Variants in MDH1B observed in about 807,000 individuals in gnomAD.
The protein encoded by MDH1B is putative malate dehydrogenase 1B.
Under a neutral mutation model 61.4 loss-of-function variants are expected in MDH1B, and 60 were observed. The observed-to-expected ratio is 0.98, with a 90% CI of 0.79 to 1.21. The LOEUF (loss-of-function observed/expected upper bound fraction) is 1.21. Among genes scored for constraint, MDH1B ranks in the 50% most tolerant of loss-of-function variants. MDH1B has a pLI of 0.00. For missense variants in MDH1B, 587 were observed against 632.1 expected (o/e 0.93, Z 0.76); for synonymous variants, 236 against 218.7 (o/e 1.08, Z -0.70).
At position 206,756,951 on chromosome 2, in the gene MDH1B, C is replaced by T. The variant is rs138212602; in HGVS notation, c.360G>A (p.Gln120=). Residue 120 remains glutamine, a synonymous_variant, in exon 4 of 12, where the codon CAG becomes CAA. Coordinates refer to ENST00000374412, the MANE Select transcript of MDH1B (RefSeq NM_001039845.3). ...TGCAAGTTTTCAGGGCTTCTTCCTC[C>T]TGCTCTTTTTCTATATGTGCCCCCA... ...ENLGAHIEKE[Q]EEEALKTCIN... The T allele has an allele frequency of 1.8e-4, 294 of 1,614,016 alleles. 1 individual carries two copies. The highest frequency in any genetic ancestry group is 3.0e-4 in the Admixed American group (18 of 59,996).
chr2:206,747,535 T>C (rs757740590), intron 7 of MDH1B, among the ~76,000 whole-genome samples: 1 of 148,340 alleles, frequency 6.7e-6, no homozygotes, highest in Non-Finnish European at 1.5e-5. Flanking sequence ...TTAACTTCAA[T>C]TGAACAAGAT....
rs1354195760 is a variant in MDH1B at position 206,755,154 on chromosome 2, C to G, written c.765G>C (p.Val255=). ...TCAGGTTTACAAAGGTTCTCCCTCC[C>G]ACGATGACTCTGACAGACTCATGAG... The part of the protein sequence containing the change: ...KNAHESVRVI[V]GGRTFVNLKT... Residue 255 remains valine (V), a synonymous_variant, in exon 5 of 12, where the codon GTG becomes GTC. Coordinates refer to ENST00000374412, the MANE Select transcript of MDH1B (RefSeq NM_001039845.3). 6.2e-7 allele frequency: 1 copy of G among 1,614,060 alleles called. No individual in the cohort carries two copies. The highest frequency in any genetic ancestry group is 1.3e-5 in the African/African-American group (1 of 74,928).
chr2:206,746,164 C>A (rs1288895989), intron 8 of MDH1B, 123 bp downstream of exon 8: 2 of 742,122 alleles, frequency 2.7e-6, no homozygotes, highest in Non-Finnish European at 4.0e-6. Flanking sequence ...TTTATTATCT[C>A]ATTATTTTTA....
intron 2 of MDH1B, among the ~76,000 whole-genome samples, chr2:206,758,162 T>C (rs114858080): frequency 1.2e-3 from 189 of 152,194 alleles, no homozygotes; most frequent in African/African-American, 4.4e-3. Context: ...ACTGGGCCCA[T>C]GAAGGAAAGA....
chr2:206,739,770 T>A, intron 10 of MDH1B, 109 bp from the exon 11 acceptor site: 1 of 908,788 alleles, frequency 1.1e-6, no homozygotes, highest in South Asian at 1.5e-5. Context: ...TTTCTCTGAA[T>A]GCATTGCTCT....
chr2:206,757,116 G>C (rs576505939), intron 3 of MDH1B, 76 bp from the exon 4 acceptor site: 1 of 1,545,366 alleles, frequency 6.5e-7, no homozygotes, highest in South Asian at 1.2e-5. Context: ...GAAAGTTTTT[G>C]TTTAAAGTCA....
rs577607897 is a variant in MDH1B at position 206,760,333 on chromosome 2, C to T, written c.135+568G>A. Among the ~76,000 whole-genome samples, 11 of 152,292 alleles carry T rather than the reference C, an allele frequency of 7.2e-5. No individual in the cohort carries two copies. In the South Asian group the frequency reaches 2.3e-3, roughly 32 times the overall value. On this transcript the variant is annotated intron_variant, in intron 2 of 11. Transcript: ENST00000374412. ...ATCCGATGGCTGGTTGAGGAGGGAG[C>T]ACAAAAGCTCAGCTACCTTGCCTCA...
intron 7 of MDH1B, 100 bp downstream of exon 7, chr2:206,748,920 G>T: frequency 2.1e-6 from 2 of 953,520 alleles, no homozygotes; most frequent in South Asian, 1.8e-5. Context: ...GCAGCTAATG[G>T]ACCATGTTAA....
At chr2:206,746,520 TAGG>T in intron 7 of MDH1B, 94 bp from the exon 8 acceptor site, 1 of 1,297,320 alleles carries the variant, frequency 7.7e-7, no homozygotes, top group Non-Finnish European at 1.0e-6. Context: ...AGACATAGTA[TAGG>T]ATTTTTAATG....
In MDH1B at chr2:206,749,998, A is replaced by G. The variant is rs186065550; in HGVS notation, c.1053-815T>C. Among the ~76,000 whole-genome samples, 12 of 152,296 alleles carry G rather than the reference A, an allele frequency of 7.9e-5. No homozygotes were observed. The East Asian group carries it at 2.1e-3, about 27-fold the overall frequency. ...GGTTAGCTTCTGCTAACCCTGCACG[A>G]CACAGCTCTATGCAACACTGGTCCT... On this transcript the variant is annotated intron_variant, in intron 6 of 11. Coordinates refer to ENST00000374412, the MANE Select transcript of MDH1B (RefSeq NM_001039845.3).
At chr2:206,740,198 C>A (rs1687731628) in intron 10 of MDH1B, among the ~76,000 whole-genome samples, 1 of 152,158 alleles carries the variant, frequency 6.6e-6, no homozygotes, top group Admixed American at 6.5e-5. Context: ...CTACACGTAA[C>A]TTTTGACTCC....
intron 9 of MDH1B, among the ~76,000 whole-genome samples, chr2:206,744,950 A>AAAATAT (rs1553584057): frequency 2.7e-5 from 4 of 147,612 alleles, no homozygotes; most frequent in African/African-American, 1.0e-4. Context: ...AAATAAATAA[A>AAAATAT]ATATATATAT....
chr2:206,755,157 G>A lies in MDH1B; in HGVS notation c.762C>T (p.Ile254=), dbSNP rs1050357714. ...GGTTTACAAAGGTTCTCCCTCCCACGATGACTCTGACAGACTCATGAGCAT... is the reference window on the plus strand; with the variant it reads ...GGTTTACAAAGGTTCTCCCTCCCACAATGACTCTGACAGACTCATGAGCAT... ...EKNAHESVRV[I]VGGRTFVNLK... Residue 254 remains isoleucine, a synonymous_variant, in exon 5 of 12, where the codon ATC becomes ATT. Transcript: ENST00000374412. The A allele has an allele frequency of 2.5e-6, 4 of 1,614,036 alleles. No individual in the cohort carries two copies. The highest frequency in any genetic ancestry group is 2.7e-5 in the African/African-American group (2 of 74,902).
chr2:206,757,656 A>T (rs548609727), intron 2 of MDH1B, among the ~76,000 whole-genome samples: 1 of 152,338 alleles, frequency 6.6e-6, no homozygotes, highest in South Asian at 2.1e-4. Context: ...TGTTTAGCTT[A>T]AAGAGAGGTC....
intron 1 of MDH1B, among the ~76,000 whole-genome samples, chr2:206,763,044 TCTC>T (rs143501377): frequency 0.016 from 2,432 of 152,142 alleles, 69 homozygotes; most frequent in African/African-American, 0.054. Flanking sequence ...CCAGCTCAGA[TCTC>T]CTTATCTAGA....
Position 206,755,396 on chromosome 2 carries a change from C to T in MDH1B, c.523G>A (p.Glu175Lys). The T allele has an allele frequency of 6.2e-7, 1 of 1,614,232 alleles. No homozygotes were observed. Among genetic ancestry groups the T allele is most frequent in the African/African-American group, 1.3e-5 (1 of 75,058 alleles). Reference sequence around the variant, plus strand: ...TCCACCACAAGGCTTTTGAGATGTTCTTCCGCCTGCTTGTTGTCAAATAGA... The same window carrying T: ...TCCACCACAAGGCTTTTGAGATGTTTTTCCGCCTGCTTGTTGTCAAATAGA... ...ITLFDNKQAE[E>K]HLKSLVVETQ... is the part of the protein sequence containing the mutation. Residue 175 changes from glutamate (E) to lysine (K), a missense_variant, in exon 5 of 12, where the codon GAA becomes AAA. Transcript: ENST00000374412.
chr2:206,749,146 T>A lies in MDH1B; in HGVS notation c.1090A>T (p.Asn364Tyr). The A allele has an allele frequency of 6.2e-7, 1 of 1,614,084 alleles. No individual in the cohort carries two copies. The highest frequency in any genetic ancestry group is 8.5e-7 in the Non-Finnish European group (1 of 1,179,980). ...AATTGTCTTCCTGTGGTGGTCAAGT[T>A]TTTAAGAATTGCCACAAATTCTCTT... Reference protein sequence around the residue: ...VKREFVAILKNLTTTGRQFGG... With the variant: ...VKREFVAILKYLTTTGRQFGG... The change falls in exon 7 of 12, where the codon AAC becomes TAC. Residue 364 changes from asparagine (N) to tyrosine (Y), a missense_variant. Asn to Tyr is a moderately radical substitution (Grantham distance 143). Transcript: ENST00000374412.
In MDH1B at chr2:206,755,489, A is replaced by G; in HGVS notation, c.430T>C (p.Cys144Arg). 6.2e-7 allele frequency: 1 copy of G among 1,612,576 alleles called. No individual in the cohort carries two copies. Among genetic ancestry groups the G allele is most frequent in the Non-Finnish European group, 8.5e-7 (1 of 1,179,094 alleles). The change falls in exon 5 of 12, where the codon TGC (cysteine) becomes CGC (arginine). Residue 144 changes from cysteine to arginine, a missense_variant. Cys to Arg is a radical substitution (Grantham distance 180, BLOSUM62 -3). Coordinates refer to ENST00000374412, the MANE Select transcript of MDH1B (RefSeq NM_001039845.3). Reference protein sequence around the residue: ...VWITSASAPACYNLIPILTSG... With the variant: ...VWITSASAPARYNLIPILTSG... ...GTCAATATGGGAATTAGGTTGTAGCAGGCAGGAGCAGAGGCACTGATAAAA... is the reference window on the plus strand; with the variant it reads ...GTCAATATGGGAATTAGGTTGTAGCGGGCAGGAGCAGAGGCACTGATAAAA...
chr2:206,743,948 T>C (rs1190646851), intron 9 of MDH1B, among the ~76,000 whole-genome samples: 3 of 152,144 alleles, frequency 2.0e-5, no homozygotes, highest in South Asian at 2.1e-4. Flanking sequence ...TCCCCCTCAA[T>C]ACCAGTCTTT....
Sources: gnomAD v4.1 joint callset for allele counts (sites outside exome capture counted in the v4.1 genomes callset) on GRCh38, gnomAD v4.1.1 for gene constraint, MANE v1.5 for transcripts, NCBI Gene and HGNC (gene_info 2026-07-23, HGNC 2026-07-21) for gene names.